The following DOCK1 variants were observed in gnomAD, a reference collection of about 807,000 sequenced individuals.
DOCK1 encodes dedicator of cytokinesis 1.
A neutral mutation model predicts 262.7 loss-of-function variants in DOCK1; 138 were observed. That is an observed-to-expected ratio of 0.53 (90% CI 0.46 to 0.61). The LOEUF (loss-of-function observed/expected upper bound fraction) is 0.61, where lower values mean the gene tolerates loss of function less well. Among genes scored for constraint, DOCK1 ranks in the 20% least tolerant of loss-of-function variants. The pLI is 0.00. For synonymous variants in DOCK1, 866 were observed against 867.4 expected, an observed-to-expected ratio of 1.00 and a Z score of 0.03; for missense variants, 1,908 against 2,370.7, an observed-to-expected ratio of 0.80 and a Z score of 4.05.
At chr10:127,430,402 C>T (rs2069199474) in intron 47 of DOCK1, among the ~76,000 whole-genome samples, 1 of 152,180 alleles carries the variant, frequency 6.6e-6, no homozygotes, top group Non-Finnish European at 1.5e-5. Context: ...TTTAGCTTCA[C>T]CTATTCCTTG....
intron 27 of DOCK1, among the ~76,000 whole-genome samples, chr10:127,148,030 CAAAAAAA>C (rs57503481): frequency 1.6e-5 from 1 of 63,276 alleles, no homozygotes; most frequent in Non-Finnish European, 3.3e-5. Context: ...GACTCTGTCT[CAAAAAAA>C]AAAAAAAAAA....
At chr10:127,389,611 A>T (rs577377640) in intron 38 of DOCK1, among the ~76,000 whole-genome samples, 33 of 152,176 alleles carry the variant, frequency 2.2e-4, no homozygotes, top group African/African-American at 7.2e-4. Flanking sequence ...GTAATCTCCA[A>T]TGTTGGAGGT....
At chr10:127,037,107 T>C (rs1355158694) in intron 18 of DOCK1, among the ~76,000 whole-genome samples, 2 of 151,784 alleles carry the variant, frequency 1.3e-5, no homozygotes, top group Non-Finnish European at 2.9e-5. Flanking sequence ...CTATATAAAA[T>C]GCAACAAACA....
chr10:127,420,152 A>G (rs2068413155), intron 46 of DOCK1, among the ~76,000 whole-genome samples: 1 of 152,214 alleles, frequency 6.6e-6, no homozygotes, highest in African/African-American at 2.4e-5. Context: ...CAGAAGCTGC[A>G]GTGCACCCTC....
chr10:127,060,808 G>T (rs1479932425), intron 22 of DOCK1, among the ~76,000 whole-genome samples: 1 of 152,124 alleles, frequency 6.6e-6, no homozygotes, highest in African/African-American at 2.4e-5. Flanking sequence ...GAATGCGTTT[G>T]TAAAGCACCA....
At chr10:127,386,241 CAT>C (rs1215189796) in intron 38 of DOCK1, among the ~76,000 whole-genome samples, 2 of 152,134 alleles carry the variant, frequency 1.3e-5, no homozygotes, top group East Asian at 3.9e-4. Flanking sequence ...TTCAGAATGG[CAT>C]GTGGGCTCCC....
intron 1 of DOCK1, among the ~76,000 whole-genome samples, chr10:126,920,386 T>C (rs982159556): frequency 1.3e-5 from 2 of 152,162 alleles, no homozygotes; most frequent in Non-Finnish European, 2.9e-5. Flanking sequence ...AGAAGAAAAG[T>C]GGATTTTGAA....
In DOCK1 at chr10:127,098,055, C is replaced by T. The variant is rs145804060; in HGVS notation, c.2446-8176C>T. On this transcript the variant is annotated intron_variant, in intron 23 of 51. Transcript: ENST00000623213. ...CCAGTGAACTGATTAGTGATTATCC[C>T]GCTCTGCTGCAGGGAACCTTGCCAG... 7.6e-4 allele frequency among the ~76,000 whole-genome samples: 116 copies of T among 152,348 alleles called. 1 individual carries two copies. The highest frequency in any genetic ancestry group is 3.4e-3 in the Middle Eastern group (1 of 294).
rs191412791 is a variant in DOCK1 at position 127,188,422 on chromosome 10, T to A, written c.2848-59586T>A. ...TATTTCTGGTTGGAGACGCAAAACA[T>A]TTAGAATTCTGTTCCCTTCTAGAAA... On this transcript the variant is annotated intron_variant, in intron 27 of 51. Coordinates refer to ENST00000623213, the MANE Select transcript of DOCK1 (RefSeq NM_001290223.2). Among the ~76,000 whole-genome samples the A allele has an allele frequency of 5.3e-5, 8 of 152,282 alleles. No individual in the cohort carries two copies. The East Asian group carries it at 1.5e-3, about 29-fold the overall frequency.
intron 16 of DOCK1, among the ~76,000 whole-genome samples, chr10:127,030,939 G>A (rs1369438920): frequency 6.6e-6 from 1 of 152,094 alleles, no homozygotes; most frequent in Non-Finnish European, 1.5e-5. Flanking sequence ...GTGACTAATG[G>A]GCTATTTTAG....
At chr10:127,110,205 G>T (rs2048781605) in intron 24 of DOCK1, 43 bp from the exon 25 acceptor site, 4 of 1,508,894 alleles carry the variant, frequency 2.7e-6, no homozygotes, top group Non-Finnish European at 3.6e-6. Flanking sequence ...GGATCCTTTT[G>T]CTATGTGTCT....
chr10:127,247,684 G>C (rs2059477730), intron 27 of DOCK1, among the ~76,000 whole-genome samples: 1 of 152,224 alleles, frequency 6.6e-6, no homozygotes, highest in South Asian at 2.1e-4. Flanking sequence ...ACAGCCCTGA[G>C]TGTGAGTGCA....
intron 27 of DOCK1, among the ~76,000 whole-genome samples, chr10:127,205,511 G>C (rs1054067860): frequency 6.6e-6 from 1 of 152,166 alleles, no homozygotes; most frequent in Non-Finnish European, 1.5e-5. Flanking sequence ...CACGTGTTTG[G>C]CAACCACCCA....
At chr10:127,101,320 A>G (rs1163945323) in intron 23 of DOCK1, among the ~76,000 whole-genome samples, 2 of 152,142 alleles carry the variant, frequency 1.3e-5, no homozygotes, top group Non-Finnish European at 2.9e-5. Context: ...CCGGCCCTTC[A>G]GGAGAACAGG....
At chr10:127,086,140 A>AC (rs1302809946) in intron 23 of DOCK1, among the ~76,000 whole-genome samples, 3 of 144,340 alleles carry the variant, frequency 2.1e-5, no homozygotes, top group Admixed American at 7.0e-5. Context: ...AGGGAGACAC[A>AC]CCCCCCGCCC....
intron 27 of DOCK1, among the ~76,000 whole-genome samples, chr10:127,229,239 C>T (rs1287510402): frequency 6.6e-6 from 1 of 152,072 alleles, no homozygotes; most frequent in Non-Finnish European, 1.5e-5. Context: ...AAAACAAAAC[C>T]AACCAACCAA....
chr10:127,019,011 G>A, intron 13 of DOCK1, 176 bp downstream of exon 13: 1 of 983,968 alleles, frequency 1.0e-6, no homozygotes. Context: ...CGGAGTGGTA[G>A]AATATGCTCC....
intron 27 of DOCK1, among the ~76,000 whole-genome samples, chr10:127,132,669 T>A (rs2050395441): frequency 6.6e-6 from 1 of 152,110 alleles, no homozygotes; most frequent in Non-Finnish European, 1.5e-5. Flanking sequence ...TGTGTGTTTT[T>A]CCTAGAGTAA....
intron 27 of DOCK1, among the ~76,000 whole-genome samples, chr10:127,236,375 CTCCCTCCCTACT>C (rs1200929837): frequency 1.5e-5 from 2 of 133,096 alleles, no homozygotes; most frequent in African/African-American, 5.5e-5. Flanking sequence ...CCCTCCTTTG[CTCCCTCCCTACT>C]TCCCTCCCTC....
Sources: allele counts gnomAD v4.1 joint callset (sites outside exome capture counted in the v4.1 genomes callset), GRCh38; gene constraint gnomAD v4.1.1; transcripts MANE v1.5; gene names NCBI Gene and HGNC (gene_info 2026-07-23, HGNC 2026-07-21).